The following KDM4B variants were observed in gnomAD, a reference collection of about 807,000 sequenced individuals.
KDM4B encodes the protein lysine-specific demethylase 4B.
KDM4B carries 32 observed loss-of-function variants against 125.2 expected under a neutral mutation model. The observed-to-expected ratio is 0.26, with a 90% CI of 0.19 to 0.34. The LOEUF is 0.34. Ranked by LOEUF, KDM4B falls within the 10% of genes least tolerant of loss-of-function variation. The pLI, the probability that KDM4B is intolerant of heterozygous loss-of-function variation, is 1.00. For missense variants in KDM4B, 1,190 were observed against 1,577.7 expected, an observed-to-expected ratio of 0.75 and a Z score of 4.16; for synonymous variants, 721 against 677.9, an observed-to-expected ratio of 1.06 and a Z score of -0.99.
intron 2 of KDM4B, among the ~76,000 whole-genome samples, chr19:5,018,587 A>G (rs2035963904): frequency 6.6e-6 from 1 of 152,298 alleles, no homozygotes; most frequent in Non-Finnish European, 1.5e-5. Flanking sequence ...AAATTCACAT[A>G]CATCATATTC....
At position 5,131,920 on chromosome 19, in the gene KDM4B, A is replaced by T. The variant is rs202130302; in HGVS notation, c.1819A>T (p.Ile607Phe). Reference protein sequence around the residue: ...PSTFSKLKMEIKKSRRHPLGR... With the variant: ...PSTFSKLKMEFKKSRRHPLGR... ...CACATTTTCCAAATTGAAGATGGAGATCAAGAAGAGCCGGCGCCATCCCCT... is the reference window on the plus strand; with the variant it reads ...CACATTTTCCAAATTGAAGATGGAGTTCAAGAAGAGCCGGCGCCATCCCCT... Residue 607 changes from isoleucine to phenylalanine, a missense_variant, in exon 13 of 23, where the codon ATC becomes TTC. This residue lies in a region of KDM4B where 428 missense variants were observed against 405.1 expected (regional missense o/e 1.06). Coordinates refer to ENST00000159111, the MANE Select transcript of KDM4B (RefSeq NM_015015.3). 1.1e-5 allele frequency: 17 copies of T among 1,612,582 alleles called. No individual in the cohort carries two copies. In the Admixed American group the frequency reaches 2.2e-4, roughly 21 times the overall value.
intron 2 of KDM4B, among the ~76,000 whole-genome samples, chr19:5,028,520 AAT>A (rs1442746703): frequency 6.6e-6 from 1 of 151,780 alleles, no homozygotes; most frequent in Non-Finnish European, 1.5e-5. Flanking sequence ...GGCTGTTGGG[AAT>A]TGTGCTTCTG....
At chr19:5,106,315 C>T (rs1250338987) in intron 9 of KDM4B, among the ~76,000 whole-genome samples, 3 of 152,306 alleles carry the variant, frequency 2.0e-5, no homozygotes, top group Admixed American at 2.0e-4. Context: ...CAAAGGACAT[C>T]TTTGAATTCC....
At chr19:5,034,866 T>G (rs2036569066) in intron 3 of KDM4B, among the ~76,000 whole-genome samples, 1 of 152,226 alleles carries the variant, frequency 6.6e-6, no homozygotes, top group Non-Finnish European at 1.5e-5. Context: ...TCGCCCAGGC[T>G]GGGGTGCTGG....
At chr19:5,071,483 G>A (rs1284023836) in intron 7 of KDM4B, among the ~76,000 whole-genome samples, 2 of 152,244 alleles carry the variant, frequency 1.3e-5, no homozygotes, top group Non-Finnish European at 2.9e-5. Context: ...ACCTGCGGGG[G>A]AGCAGACATG....
intron 9 of KDM4B, among the ~76,000 whole-genome samples, chr19:5,101,945 T>C (rs1344803839): frequency 6.6e-6 from 1 of 152,158 alleles, no homozygotes; most frequent in Non-Finnish European, 1.5e-5. Flanking sequence ...GACACCCACC[T>C]TCTCTGGCCT....
chr19:4,984,430 C>T (rs2034756668), intron 1 of KDM4B, among the ~76,000 whole-genome samples: 1 of 152,130 alleles, frequency 6.6e-6, no homozygotes, highest in African/African-American at 2.4e-5. Context: ...GTTTTTGCGG[C>T]CTCTTTATTA....
In KDM4B at chr19:5,035,890, C is replaced by CGT. The variant is rs2036608481; in HGVS notation, c.141+2860_141+2861insTG. The stretch of plus-strand genomic sequence containing the variant: ...GTGTGTGTGTGTGTGTGCGCGCGCG[C>CGT]GCGCGCCTGCGCGCACAGGAGACTG... On this transcript the variant is annotated intron_variant, in intron 3 of 22. Coordinates refer to ENST00000159111, the MANE Select transcript of KDM4B (RefSeq NM_015015.3). The surrounding 1 kb of genome is among the most constrained non-coding windows in gnomAD (Gnocchi z 5.3). 7.8e-6 allele frequency among the ~76,000 whole-genome samples: 1 copy of CGT among 128,378 alleles called. No individual in the cohort carries two copies. Among genetic ancestry groups the CGT allele is most frequent in the African/African-American group, 3.1e-5 (1 of 32,786 alleles). The allele number at this position is 128,378 out of a possible 152,430, so 84.2% of individuals were successfully genotyped here. A position where few individuals can be genotyped will look rare whatever the true frequency, so the allele number is the denominator to read the frequency against.
In KDM4B at chr19:4,978,506, C is replaced by CAAAAAAAAAAAAA. The variant is rs58304162; in HGVS notation, c.-109+9295_-109+9307dup. 1.1e-4 allele frequency among the ~76,000 whole-genome samples: 4 copies of CAAAAAAAAAAAAA among 36,404 alleles called. 1 individual carries two copies. Among genetic ancestry groups the CAAAAAAAAAAAAA allele is most frequent in the African/African-American group, 5.6e-4 (4 of 7,206 alleles). The allele number at this position is 36,404 out of a possible 152,430, so 23.9% of individuals were successfully genotyped here. A position where few individuals can be genotyped will look rare whatever the true frequency, so the allele number is the denominator to read the frequency against. ...TGCACAATGGAGTGAGACTCTGTCTCAAAAAAAAAAAAAAAAAAAAAAAAA... is the reference window on the plus strand; with the variant it reads ...TGCACAATGGAGTGAGACTCTGTCTCAAAAAAAAAAAAAAAAAAAAAAAAAAAAAAAAAAAAAA... On this transcript the variant is annotated intron_variant, in intron 1 of 22. Transcript: ENST00000159111.
rs368128396 is a variant in KDM4B, at chr19:5,137,250, G to T, written c.2309-12G>T. Reference sequence around the variant, plus strand: ...GCCCCCCAGATCTCAGCCAGCCCCCGCTGTCTTCCAGGTTGCTATGGCATC... The same window carrying T: ...GCCCCCCAGATCTCAGCCAGCCCCCTCTGTCTTCCAGGTTGCTATGGCATC... On this transcript the variant is annotated splice_polypyrimidine_tract_variant and intron_variant, in intron 15 of 22. Coordinates refer to ENST00000159111, the MANE Select transcript of KDM4B (RefSeq NM_015015.3). 6.4e-6 allele frequency: 10 copies of T among 1,559,460 alleles called. No homozygotes were observed. The highest frequency in any genetic ancestry group is 1.4e-5 in the African/African-American group (1 of 73,442).
chr19:5,123,884 A>C (rs958475377), intron 11 of KDM4B, among the ~76,000 whole-genome samples: 4 of 151,598 alleles, frequency 2.6e-5, no homozygotes, highest in Non-Finnish European at 5.9e-5. Context: ...GGATGGGCGC[A>C]GTTCAGGTTC....
chr19:5,079,956 G>T (rs1184416745), intron 8 of KDM4B, among the ~76,000 whole-genome samples: 6 of 152,114 alleles, frequency 3.9e-5, no homozygotes, highest in Non-Finnish European at 7.4e-5. Context: ...GGAGAAGCTG[G>T]CCCAGAGAAC....
At chr19:5,130,775 C>T (rs576947213) in intron 11 of KDM4B, among the ~76,000 whole-genome samples, 23 of 152,246 alleles carry the variant, frequency 1.5e-4, no homozygotes, top group African/African-American at 3.1e-4. Flanking sequence ...CCTCACCTCC[C>T]GTGACCCCAG....
At chr19:5,062,778 T>A in intron 6 of KDM4B, among the ~76,000 whole-genome samples, 1 of 129,698 alleles carries the variant, frequency 7.7e-6, no homozygotes, top group Non-Finnish European at 1.7e-5. Flanking sequence ...TTAAACTGTT[T>A]TTTTTTTTTT....
intron 1 of KDM4B, among the ~76,000 whole-genome samples, chr19:4,981,106 A>G (rs2145323062): frequency 6.6e-6 from 1 of 152,162 alleles, no homozygotes; most frequent in Non-Finnish European, 1.5e-5. Flanking sequence ...CTCTTCTCTC[A>G]GCCTGAGCTG....
At chr19:5,057,019 G>GAT (rs947509172) in intron 6 of KDM4B, among the ~76,000 whole-genome samples, 3 of 146,310 alleles carry the variant, frequency 2.1e-5, no homozygotes, top group African/African-American at 7.9e-5. Context: ...GTAAGTACCA[G>GAT]ATATATATGC....
intron 1 of KDM4B, among the ~76,000 whole-genome samples, chr19:4,988,373 T>G (rs1300153102): frequency 6.6e-6 from 1 of 152,196 alleles, no homozygotes; most frequent in South Asian, 2.1e-4. Context: ...CCTCCTGGGT[T>G]CACGCCATTC....
At chr19:5,093,110 G>C (rs541906406) in intron 9 of KDM4B, among the ~76,000 whole-genome samples, 46 of 152,338 alleles carry the variant, frequency 3.0e-4, no homozygotes, top group African/African-American at 1.1e-3. Context: ...GGTGGTGCCT[G>C]GCACAGAAGC....
intron 9 of KDM4B, among the ~76,000 whole-genome samples, chr19:5,088,880 G>A (rs554482589): frequency 2.6e-5 from 4 of 152,152 alleles, no homozygotes; most frequent in Non-Finnish European, 4.4e-5. Flanking sequence ...TCTGCCATCC[G>A]CTCAGCCATG....
Sources: allele counts gnomAD v4.1 joint callset (sites outside exome capture counted in the v4.1 genomes callset), GRCh38; gene constraint gnomAD v4.1.1; regional missense constraint gnomAD v4.1.1; non-coding constraint Gnocchi (gnomAD v3.1); transcripts MANE v1.5; gene names NCBI Gene and HGNC (gene_info 2026-07-23, HGNC 2026-07-21).